ITPR1: variants seen among roughly 807,000 people sequenced by gnomAD.
The protein encoded by ITPR1 is inositol 1,4,5-trisphosphate receptor type 1.
A neutral mutation model predicts 318.4 loss-of-function variants in ITPR1; 96 were observed. The ratio of observed to expected loss-of-function variants is 0.30; its 90% CI spans 0.26 to 0.36. ITPR1 has a LOEUF of 0.36. Among genes scored for constraint, ITPR1 ranks in the 10% least tolerant of loss-of-function variants. ITPR1 has a pLI of 1.00. For missense variants in ITPR1, 2,440 were observed against 3,460.2 expected, an observed-to-expected ratio of 0.71 and a Z score of 7.40; for synonymous variants, 1,312 against 1,289.9, an observed-to-expected ratio of 1.02 and a Z score of -0.37.
intron 4 of ITPR1, among the ~76,000 whole-genome samples, chr3:4,610,743 G>A (rs891761831): frequency 7.2e-5 from 11 of 151,898 alleles, no homozygotes; most frequent in Non-Finnish European, 1.0e-4. Flanking sequence ...CATTTTTTTT[G>A]TGCACCACTT....
At chr3:4,567,678 C>T (rs1044869083) in intron 4 of ITPR1, among the ~76,000 whole-genome samples, 2 of 151,920 alleles carry the variant, frequency 1.3e-5, no homozygotes, top group Non-Finnish European at 2.9e-5. Context: ...CATCTTGGCT[C>T]ACTGCAACCT....
intron 15 of ITPR1, among the ~76,000 whole-genome samples, chr3:4,662,700 G>T (rs1477584863): frequency 6.6e-6 from 1 of 152,154 alleles, no homozygotes; most frequent in East Asian, 1.9e-4. Context: ...TTCAGCCTGG[G>T]TGACAAAGTG....
At chr3:4,739,569 C>G (rs958297197) in intron 44 of ITPR1, among the ~76,000 whole-genome samples, 7 of 152,156 alleles carry the variant, frequency 4.6e-5, no homozygotes, top group Non-Finnish European at 1.0e-4. Context: ...AACAGAAACT[C>G]AAGGAGGTTA....
At chr3:4,623,800 A>G (rs1404841612) in intron 4 of ITPR1, among the ~76,000 whole-genome samples, 5 of 152,218 alleles carry the variant, frequency 3.3e-5, no homozygotes, top group African/African-American at 1.2e-4. Context: ...AGCAAGGCTA[A>G]TTTCGTTCTG....
intron 44 of ITPR1, among the ~76,000 whole-genome samples, chr3:4,738,821 C>T (rs965068217): frequency 3.3e-5 from 5 of 152,162 alleles, no homozygotes; most frequent in Admixed American, 6.5e-5. Context: ...AGTTCAGCCA[C>T]GTGTGGAGCA....
chr3:4,673,743 C>T (rs376812813), intron 21 of ITPR1, among the ~76,000 whole-genome samples: 10 of 152,184 alleles, frequency 6.6e-5, no homozygotes, highest in South Asian at 2.1e-4. Flanking sequence ...CCACCACGCC[C>T]GGCTAATTTT....
intron 25 of ITPR1, 59 bp downstream of exon 25, chr3:4,680,750 G>T: frequency 6.8e-7 from 1 of 1,460,272 alleles, no homozygotes; most frequent in Non-Finnish European, 9.3e-7. Context: ...AAGGAAAATG[G>T]GGAGAGCAAA....
At chr3:4,579,178 G>C (rs1559480222) in intron 4 of ITPR1, among the ~76,000 whole-genome samples, 1 of 152,076 alleles carries the variant, frequency 6.6e-6, no homozygotes, top group African/African-American at 2.4e-5. Flanking sequence ...ACCTCTTCCA[G>C]CTGCAATTTC....
At chr3:4,713,758 C>G (rs2041556561) in intron 39 of ITPR1, among the ~76,000 whole-genome samples, 1 of 152,174 alleles carries the variant, frequency 6.6e-6, no homozygotes, top group Non-Finnish European at 1.5e-5. Flanking sequence ...AGCTTAAATC[C>G]TTTTCAGCTG....
intron 46 of ITPR1, among the ~76,000 whole-genome samples, chr3:4,771,400 A>G (rs1218764915): frequency 6.6e-6 from 1 of 152,144 alleles, no homozygotes; most frequent in Non-Finnish European, 1.5e-5. Context: ...TGCAGTGCCA[A>G]TGTGCTTGTT....
chr3:4,543,608 A>G (rs146479425), intron 4 of ITPR1, among the ~76,000 whole-genome samples: 232 of 152,170 alleles, frequency 1.5e-3, no homozygotes, highest in Middle Eastern at 0.014. Context: ...ACGCCTGGCT[A>G]ATTTTTGTAT....
chr3:4,589,474 C>T (rs546402268), intron 4 of ITPR1, among the ~76,000 whole-genome samples: 2 of 152,130 alleles, frequency 1.3e-5, no homozygotes, highest in Admixed American at 1.3e-4. Context: ...CCTCTCCTGG[C>T]CCCCTGAATC....
intron 4 of ITPR1, among the ~76,000 whole-genome samples, chr3:4,532,979 A>G (rs1292015239): frequency 6.6e-6 from 1 of 152,212 alleles, no homozygotes; most frequent in Non-Finnish European, 1.5e-5. Context: ...CTGCTCTGGG[A>G]CAGAGGTTAG....
chr3:4,736,494 C>T lies in ITPR1; in HGVS notation c.5544+1140C>T, dbSNP rs575254854. 3.9e-5 allele frequency among the ~76,000 whole-genome samples: 6 copies of T among 152,342 alleles called. 1 individual carries two copies. The South Asian group carries it at 8.3e-4, about 21-fold the overall frequency. ...AACCTGTGCAGCCAACTGCGGTGGC[C>T]CTTTTCTTTCGCCTTCCAATCCCCG... On this transcript the variant is annotated intron_variant, in intron 44 of 61. Transcript: ENST00000649015.
intron 37 of ITPR1, among the ~76,000 whole-genome samples, chr3:4,706,638 C>G (rs1004250026): frequency 6.6e-6 from 1 of 152,152 alleles, no homozygotes; most frequent in Admixed American, 6.5e-5. Context: ...TGAAGTATTA[C>G]AGAGGATGTT....
At position 4,640,874 on chromosome 3, in the gene ITPR1, G is replaced by A. The variant is rs114845312; in HGVS notation, c.367-1219G>A. Among the ~76,000 whole-genome samples the A allele has an allele frequency of 5.2e-3, 796 of 152,250 alleles. 3 individuals carry two copies. Among genetic ancestry groups the A allele is most frequent in the African/African-American group, 0.018 (767 of 41,552 alleles). The stretch of plus-strand genomic sequence containing the variant: ...TTCGTTTATAAACAAACTGAGTCTG[G>A]CACCTAGACAGATGTGTGCAGGACC... On this transcript the variant is annotated intron_variant, in intron 6 of 61. Transcript: ENST00000649015.
In ITPR1 at chr3:4,826,655, G is replaced by C. The variant is rs1270936098; in HGVS notation, c.8028+8413G>C. 6.6e-6 allele frequency among the ~76,000 whole-genome samples: 1 copy of C among 152,228 alleles called. No homozygotes were observed. The highest frequency in any genetic ancestry group is 2.4e-5 in the African/African-American group (1 of 41,458). Reference sequence around the variant, plus strand: ...GCTTAAGTTTCCCCACCCAGCCTTAGAACACATTCTGCCCTTTAGTCTAGG... The same window carrying C: ...GCTTAAGTTTCCCCACCCAGCCTTACAACACATTCTGCCCTTTAGTCTAGG... On this transcript the variant is annotated intron_variant, in intron 60 of 61. Transcript: ENST00000649015. The surrounding 1 kb of genome is among the most constrained non-coding windows in gnomAD (Gnocchi z 4.2).
Position 4,769,852 on chromosome 3 carries a change from G to A in ITPR1, c.5979+1088G>A, listed in dbSNP as rs774296149. Among the ~76,000 whole-genome samples the A allele has an allele frequency of 1.4e-4, 21 of 152,310 alleles. No individual in the cohort carries two copies. The South Asian group carries it at 1.7e-3, about 12-fold the overall frequency. On this transcript the variant is annotated intron_variant, in intron 46 of 61. Coordinates refer to ENST00000649015, the MANE Select transcript of ITPR1 (RefSeq NM_001378452.1). ...GTTTAGGAAGGGCCGAGGATGGATCGTAGAGATCCGCTTCTTTCTTCCGAA... is the reference window on the plus strand; with the variant it reads ...GTTTAGGAAGGGCCGAGGATGGATCATAGAGATCCGCTTCTTTCTTCCGAA...
At chr3:4,520,665 T>A (rs2082491509) in intron 3 of ITPR1, among the ~76,000 whole-genome samples, 1 of 152,212 alleles carries the variant, frequency 6.6e-6, no homozygotes, top group Admixed American at 6.5e-5. Context: ...GCCTGGCTCA[T>A]ATTCACCTGG....
Sources: allele counts gnomAD v4.1 joint callset (sites outside exome capture counted in the v4.1 genomes callset), GRCh38; gene constraint gnomAD v4.1.1; non-coding constraint Gnocchi (gnomAD v3.1); transcripts MANE v1.5; gene names NCBI Gene and HGNC (gene_info 2026-07-23, HGNC 2026-07-21).